Variants in CSNK1G2 observed in about 807,000 individuals in gnomAD.
CSNK1G2 encodes the protein casein kinase I isoform gamma-2.
Under a neutral mutation model 48.0 loss-of-function variants are expected in CSNK1G2, and 11 were observed. The observed-to-expected ratio is 0.23, with a 90% confidence interval of 0.14 to 0.38. The LOEUF is 0.38. Among genes scored for constraint, CSNK1G2 ranks in the 10% least tolerant of loss-of-function variants. The pLI is 1.00. For missense variants in CSNK1G2, 446 were observed against 595.5 expected, an observed-to-expected ratio of 0.75 and a Z score of 2.61; for synonymous variants, 337 against 254.1, an observed-to-expected ratio of 1.33 and a Z score of -3.10.
At chr19:1,970,907 G>T (rs529822001) in intron 2 of CSNK1G2, among the ~76,000 whole-genome samples, 1 of 152,292 alleles carries the variant, frequency 6.6e-6, no homozygotes, top group East Asian at 1.9e-4. Context: ...TGGCACCCAT[G>T]GCAGGCACTC....
chr19:1,941,684 A>G (rs1387271286), intron 1 of CSNK1G2, among the ~76,000 whole-genome samples: 1 of 120,478 alleles, frequency 8.3e-6, no homozygotes. Context: ...ACCCGCGCTC[A>G]GGACCTCCGG....
intron 1 of CSNK1G2, among the ~76,000 whole-genome samples, chr19:1,951,264 G>C (rs1003248348): frequency 4.1e-5 from 6 of 144,680 alleles, no homozygotes; most frequent in Admixed American, 6.9e-5. Context: ...TTAGCCGGGC[G>C]TGGTGGCGGG....
In CSNK1G2 at chr19:1,945,298, G is replaced by A. The variant is rs543693338; in HGVS notation, c.-266+3880G>A. On this transcript the variant is annotated intron_variant, in intron 1 of 11. Coordinates refer to ENST00000255641, the MANE Select transcript of CSNK1G2 (RefSeq NM_001319.7). Reference sequence around the variant, plus strand: ...CAGGCTCCCCCGGCAGCACTCAGGCGGCCCTGGCCCCCGGTGCGGCTGACT... The same window carrying A: ...CAGGCTCCCCCGGCAGCACTCAGGCAGCCCTGGCCCCCGGTGCGGCTGACT... 3.9e-5 allele frequency among the ~76,000 whole-genome samples: 6 copies of A among 152,310 alleles called. No homozygotes were observed. In the East Asian group the frequency reaches 7.7e-4, roughly 20 times the overall value.
chr19:1,950,410 A>T (rs902130588), intron 1 of CSNK1G2, among the ~76,000 whole-genome samples: 1 of 147,108 alleles, frequency 6.8e-6, no homozygotes, highest in Admixed American at 6.8e-5. Context: ...AAGTGCTGGG[A>T]TTACAGGCGT....
chr19:1,964,853 G>A (rs1335654938), intron 1 of CSNK1G2, among the ~76,000 whole-genome samples: 2 of 151,442 alleles, frequency 1.3e-5, no homozygotes, highest in Admixed American at 6.6e-5. Context: ...AGCTTCCCGA[G>A]TAGCTGGGAC....
At chr19:1,954,322 C>T (rs937272705) in intron 1 of CSNK1G2, 8 of 205,574 alleles carry the variant, frequency 3.9e-5, no homozygotes, top group South Asian at 7.0e-5. Flanking sequence ...GGTCCTGGGG[C>T]GCTGCAACCC....
intron 1 of CSNK1G2, among the ~76,000 whole-genome samples, chr19:1,946,297 A>ATTTATTATTTT (rs2014559199): frequency 6.8e-6 from 1 of 146,608 alleles, no homozygotes; most frequent in African/African-American, 2.5e-5. Flanking sequence ...TTTTTTATTT[A>ATTTATTATTTT]TTTATTTTTT....
At chr19:1,942,985 C>T (rs1299830507) in intron 1 of CSNK1G2, among the ~76,000 whole-genome samples, 1 of 152,136 alleles carries the variant, frequency 6.6e-6, no homozygotes, top group Non-Finnish European at 1.5e-5. Context: ...GTGTTTTGCT[C>T]AGCCCCCCAC....
At chr19:1,961,206 C>T (rs954352019) in intron 1 of CSNK1G2, among the ~76,000 whole-genome samples, 3 of 152,248 alleles carry the variant, frequency 2.0e-5, no homozygotes, top group Non-Finnish European at 4.4e-5. Flanking sequence ...GTGGCATTCT[C>T]GCTGTCAGGG....
chr19:1,954,381 G>A (rs771168483), intron 1 of CSNK1G2: 29 of 190,738 alleles, frequency 1.5e-4, no homozygotes, highest in South Asian at 8.3e-4. Flanking sequence ...GCAGGGAACC[G>A]AGCCCACAGT....
Position 1,980,015 on chromosome 19 carries a change from C to A in CSNK1G2, c.1191C>A (p.Thr397=). 2 of 1,577,566 alleles carry A rather than the reference C, an allele frequency of 1.3e-6. No individual in the cohort carries two copies. The highest frequency in any genetic ancestry group is 1.4e-5 in the African/African-American group (1 of 74,044). The change falls in exon 11 of 12, where the codon ACC becomes ACA. Residue 397 remains threonine (T), a splice_region_variant and synonymous_variant. Coordinates refer to ENST00000255641, the MANE Select transcript of CSNK1G2 (RefSeq NM_001319.7). The part of the protein sequence containing the change: ...APAEVEVADE[T]KCCCFFKRRK... ...CAGAGGTGGAGGTGGCCGATGAAACCAAGTAAGGCTCTGGGGCGGTGCCTT... is the reference window on the plus strand; with the variant it reads ...CAGAGGTGGAGGTGGCCGATGAAACAAAGTAAGGCTCTGGGGCGGTGCCTT...
chr19:1,942,243 C>T, intron 1 of CSNK1G2, among the ~76,000 whole-genome samples: 1 of 152,220 alleles, frequency 6.6e-6, no homozygotes, highest in East Asian at 1.9e-4. Flanking sequence ...CCTCACCGAT[C>T]CCCGATCCCC....
chr19:1,961,672 G>A (rs2015204300), intron 1 of CSNK1G2, among the ~76,000 whole-genome samples: 1 of 152,206 alleles, frequency 6.6e-6, no homozygotes, highest in South Asian at 2.1e-4. Flanking sequence ...GGGGGTGGGG[G>A]ACTACGTCTC....
chr19:1,947,942 G>C (rs1396650239), intron 1 of CSNK1G2, among the ~76,000 whole-genome samples: 3 of 110,274 alleles, frequency 2.7e-5, no homozygotes, highest in African/African-American at 1.1e-4. Flanking sequence ...TGACGTCCTG[G>C]GGCCCCCATG....
chr19:1,958,432 A>G (rs2015072072), intron 1 of CSNK1G2, among the ~76,000 whole-genome samples: 1 of 149,192 alleles, frequency 6.7e-6, no homozygotes, highest in African/African-American at 2.5e-5. Flanking sequence ...CAGCTCTCCC[A>G]GGCACTGTCC....
intron 1 of CSNK1G2, chr19:1,942,523 C>A (rs1050377006): frequency 6.6e-6 from 1 of 152,368 alleles, no homozygotes; most frequent in African/African-American, 2.4e-5. Flanking sequence ...GGGGCTCTGC[C>A]TCCCCACCCC....
intron 1 of CSNK1G2, among the ~76,000 whole-genome samples, chr19:1,956,031 CTCCCGACAGCGTTGGG>C (rs2014986414): frequency 6.6e-6 from 1 of 152,226 alleles, no homozygotes; most frequent in Non-Finnish European, 1.5e-5. Context: ...TTCACCCCAG[CTCCCGACAGCGTTGGG>C]TCCCTGAGTG....
At position 1,979,005 on chromosome 19, in the gene CSNK1G2, C is replaced by T; in HGVS notation, c.594C>T (p.Pro198=). 2 of 1,598,674 alleles carry T rather than the reference C, an allele frequency of 1.3e-6. No individual in the cohort carries two copies. Among genetic ancestry groups the T allele is most frequent in the Non-Finnish European group, 1.7e-6 (2 of 1,179,600 alleles). Residue 198 remains proline (P), a synonymous_variant, in exon 6 of 12, where the codon CCC becomes CCT. Coordinates refer to ENST00000255641, the MANE Select transcript of CSNK1G2 (RefSeq NM_001319.7). Reference sequence around the variant, plus strand: ...GGCTGGCCAAGGAGTACATCGACCCCGAGACCAAGAAGCACATCCCGTACC... The same window carrying T: ...GGCTGGCCAAGGAGTACATCGACCCTGAGACCAAGAAGCACATCCCGTACC... ...DFGLAKEYID[P]ETKKHIPYRE... is the part of the protein sequence containing the mutation.
chr19:1,945,020 G>A (rs1320140332), intron 1 of CSNK1G2, among the ~76,000 whole-genome samples: 1 of 152,264 alleles, frequency 6.6e-6, no homozygotes, highest in African/African-American at 2.4e-5. Flanking sequence ...CGGGTGGCCA[G>A]CGTGAGCTAG....
Sources: allele counts gnomAD v4.1 joint callset (sites outside exome capture counted in the v4.1 genomes callset), GRCh38; gene constraint gnomAD v4.1.1; transcripts MANE v1.5; gene names NCBI Gene and HGNC (gene_info 2026-07-23, HGNC 2026-07-21).